The following OPCML variants were observed in gnomAD, a reference collection of about 807,000 sequenced individuals.
The protein encoded by OPCML is opioid-binding protein/cell adhesion molecule.
A neutral mutation model predicts 37.8 loss-of-function variants in OPCML; 13 were observed. That is an observed-to-expected ratio of 0.34 (90% CI 0.22 to 0.55). OPCML has a LOEUF of 0.55. Ranked by LOEUF, OPCML falls within the 20% of genes least tolerant of loss-of-function variation. OPCML has a pLI of 0.91. For synonymous variants in OPCML, 176 were observed against 168.8 expected, an observed-to-expected ratio of 1.04 and a Z score of -0.33; for missense variants, 341 against 435.6, an observed-to-expected ratio of 0.78 and a Z score of 1.93.
chr11:132,596,171 A>G (rs999168453), intron 3 of OPCML, among the ~76,000 whole-genome samples: 1 of 152,180 alleles, frequency 6.6e-6, no homozygotes, highest in African/African-American at 2.4e-5. Flanking sequence ...AATAAAGCTA[A>G]AGTGCTTATC....
chr11:132,837,898 G>C (rs576565637), intron 2 of OPCML, among the ~76,000 whole-genome samples: 1 of 152,296 alleles, frequency 6.6e-6, no homozygotes, highest in South Asian at 2.1e-4. Context: ...GTAAACACTC[G>C]ATCTTCTCCT....
At chr11:132,875,971 G>A (rs1366548506) in intron 2 of OPCML, among the ~76,000 whole-genome samples, 1 of 152,170 alleles carries the variant, frequency 6.6e-6, no homozygotes, top group African/African-American at 2.4e-5. Flanking sequence ...CACTTAAGAA[G>A]GCAGATGGGA....
At chr11:133,102,915 C>A (rs1250883792) in intron 1 of OPCML, among the ~76,000 whole-genome samples, 1 of 152,040 alleles carries the variant, frequency 6.6e-6, no homozygotes, top group Admixed American at 6.6e-5. Flanking sequence ...GGGAGTGGAG[C>A]CCTAGGAACT....
At chr11:132,505,890 A>G (rs1464871495) in intron 4 of OPCML, among the ~76,000 whole-genome samples, 1 of 96,366 alleles carries the variant, frequency 1.0e-5, no homozygotes, top group African/African-American at 4.1e-5. Context: ...ACTTTCTGCG[A>G]AAAAAAAAAA....
chr11:132,633,895 C>T (rs549625705), intron 3 of OPCML, among the ~76,000 whole-genome samples: 14 of 150,810 alleles, frequency 9.3e-5, no homozygotes, highest in African/African-American at 2.7e-4. Context: ...TGTAAGAAAT[C>T]GGGGGTGGGA....
chr11:133,376,498 AGTT>A (rs1944806038), intron 1 of OPCML, among the ~76,000 whole-genome samples: 1 of 152,188 alleles, frequency 6.6e-6, no homozygotes. Context: ...AATATAATAA[AGTT>A]GTGGTAAATG....
At chr11:133,508,652 G>A (rs1468844964) in intron 1 of OPCML, among the ~76,000 whole-genome samples, 1 of 152,322 alleles carries the variant, frequency 6.6e-6, no homozygotes, top group East Asian at 1.9e-4. Flanking sequence ...CAATCACTTG[G>A]AGGAGTGGGA....
chr11:132,643,881 T>C (rs1941004575), intron 3 of OPCML, among the ~76,000 whole-genome samples: 1 of 152,180 alleles, frequency 6.6e-6, no homozygotes, highest in South Asian at 2.1e-4. Flanking sequence ...ATCTACATCC[T>C]GAATCAAAAA....
intron 4 of OPCML, among the ~76,000 whole-genome samples, chr11:132,519,266 G>A (rs2096286918): frequency 6.6e-6 from 1 of 152,124 alleles, no homozygotes; most frequent in Non-Finnish European, 1.5e-5. Flanking sequence ...GGGAGGGAAG[G>A]TGGGGGTCAA....
chr11:133,216,070 A>C (rs1203841861), intron 1 of OPCML, among the ~76,000 whole-genome samples: 2 of 152,164 alleles, frequency 1.3e-5, no homozygotes, highest in Non-Finnish European at 2.9e-5. Flanking sequence ...CTAAAAAGCC[A>C]CAGAATGTGT....
chr11:132,578,524 G>C (rs2096455758), intron 3 of OPCML, among the ~76,000 whole-genome samples: 2 of 152,144 alleles, frequency 1.3e-5, no homozygotes, highest in Admixed American at 1.3e-4. Flanking sequence ...TCCACAACTT[G>C]TACTCATTTT....
chr11:132,499,400 G>A (rs2096241051), intron 4 of OPCML, among the ~76,000 whole-genome samples: 1 of 152,174 alleles, frequency 6.6e-6, no homozygotes, highest in Admixed American at 6.5e-5. Context: ...GAGGGGTCTT[G>A]CCTCATCACT....
chr11:132,855,412 C>G (rs756079385), intron 2 of OPCML, among the ~76,000 whole-genome samples: 1 of 152,156 alleles, frequency 6.6e-6, no homozygotes, highest in Non-Finnish European at 1.5e-5. Context: ...TAATAAATTC[C>G]TCTTCTCCAC....
intron 1 of OPCML, among the ~76,000 whole-genome samples, chr11:133,482,868 T>G (rs1947408497): frequency 6.6e-6 from 1 of 152,024 alleles, no homozygotes; most frequent in African/African-American, 2.4e-5. Context: ...GGGTAGAGAA[T>G]GTTGGCTTAA....
At chr11:133,447,265 C>T (rs1946491673) in intron 1 of OPCML, among the ~76,000 whole-genome samples, 1 of 152,094 alleles carries the variant, frequency 6.6e-6, no homozygotes. Context: ...TCTGCATTTC[C>T]CTAATAAATA....
At chr11:133,291,959 A>T (rs1322984485) in intron 1 of OPCML, among the ~76,000 whole-genome samples, 30 of 152,254 alleles carry the variant, frequency 2.0e-4, no homozygotes, top group Admixed American at 1.9e-3. Context: ...GCACAGTGGT[A>T]GATTACACAA....
intron 3 of OPCML, among the ~76,000 whole-genome samples, chr11:132,635,164 C>T (rs186705403): frequency 2.2e-4 from 34 of 152,212 alleles, no homozygotes; most frequent in Admixed American, 1.5e-3. Context: ...ATTTAGAGGT[C>T]TTTCTCCCCT....
chr11:133,303,011 C>A (rs775622346), intron 1 of OPCML, among the ~76,000 whole-genome samples: 1 of 152,122 alleles, frequency 6.6e-6, no homozygotes, highest in Admixed American at 6.5e-5. Flanking sequence ...ACACTCTTCA[C>A]GAACTAATTG....
At chr11:133,141,815 GATTA>G (rs1242245887) in intron 1 of OPCML, among the ~76,000 whole-genome samples, 4 of 152,148 alleles carry the variant, frequency 2.6e-5, no homozygotes, top group African/African-American at 9.7e-5. Context: ...TAATAATGAG[GATTA>G]ATATTTCCAC....
Sources: gnomAD v4.1 joint callset for allele counts (sites outside exome capture counted in the v4.1 genomes callset) on GRCh38, gnomAD v4.1.1 for gene constraint, MANE v1.5 for transcripts, NCBI Gene and HGNC (gene_info 2026-07-23, HGNC 2026-07-21) for gene names.